Variants in CYFIP2 observed in about 807,000 individuals in gnomAD.
CYFIP2 encodes the protein cytoplasmic FMR1 interacting protein 2.
CYFIP2 carries 29 observed loss-of-function variants against 158.7 expected under a neutral mutation model. The ratio of observed to expected loss-of-function variants is 0.18; its 90% CI spans 0.14 to 0.25. The LOEUF is 0.25. Among genes scored for constraint, CYFIP2 ranks in the 10% least tolerant of loss-of-function variants. The pLI is 1.00. For synonymous variants in CYFIP2, 585 were observed against 617.6 expected (o/e 0.95, Z 0.78); for missense variants, 852 against 1,639.5 (o/e 0.52, Z 8.29).
intron 1 of CYFIP2, among the ~76,000 whole-genome samples, chr5:157,275,144 T>C (rs1023329352): frequency 2.6e-5 from 4 of 152,202 alleles, no homozygotes; most frequent in Non-Finnish European, 4.4e-5. Flanking sequence ...TTCTGTGGAC[T>C]TACTTTCTTG....
At chr5:157,281,196 A>C (rs1415385420) in intron 1 of CYFIP2, among the ~76,000 whole-genome samples, 1 of 152,158 alleles carries the variant, frequency 6.6e-6, no homozygotes, top group Non-Finnish European at 1.5e-5. Flanking sequence ...AGGCTTAATT[A>C]GATTCAGGTG....
intron 11 of CYFIP2, among the ~76,000 whole-genome samples, chr5:157,313,095 A>G (rs918134306): frequency 1.3e-5 from 2 of 152,222 alleles, no homozygotes; most frequent in South Asian, 2.1e-4. Flanking sequence ...TATGCTCTAT[A>G]CATGTTGAGT....
chr5:157,373,906 A>G (rs938521972), intron 26 of CYFIP2, among the ~76,000 whole-genome samples: 1 of 152,202 alleles, frequency 6.6e-6, no homozygotes, highest in Non-Finnish European at 1.5e-5. Context: ...GCTAGCCAAT[A>G]AAAAGAAAAG....
Position 157,383,377 on chromosome 5 carries a change from T to C in CYFIP2, c.3207+18T>C, listed in dbSNP as rs1239168220. The C allele has an allele frequency of 1.9e-6, 3 of 1,606,308 alleles. No individual in the cohort carries two copies. Among genetic ancestry groups the C allele is most frequent in the Non-Finnish European group, 2.6e-6 (3 of 1,173,912 alleles). ...CCCCTCAGGTACCAATCTTATATAA[T>C]AAATGGGCTCTGATCACTGACAGGA... is the stretch of plus-strand genomic sequence containing the variant. On this transcript the variant is annotated intron_variant, in intron 28 of 30. Coordinates refer to ENST00000620254, the MANE Select transcript of CYFIP2 (RefSeq NM_001037333.3).
At chr5:157,351,826 A>G (rs1212807414) in intron 23 of CYFIP2, among the ~76,000 whole-genome samples, 1 of 152,204 alleles carries the variant, frequency 6.6e-6, no homozygotes, top group African/African-American at 2.4e-5. Context: ...AGAATGCTGG[A>G]GCAGGTGAAG....
At chr5:157,382,224 GAC>G (rs1449824322) in intron 26 of CYFIP2, among the ~76,000 whole-genome samples, 3 of 152,246 alleles carry the variant, frequency 2.0e-5, no homozygotes, top group Admixed American at 2.0e-4. Context: ...CAACCAAAAA[GAC>G]ACAGACTGAG....
chr5:157,337,532 A>G (rs1248551798), intron 21 of CYFIP2, among the ~76,000 whole-genome samples: 1 of 152,206 alleles, frequency 6.6e-6, no homozygotes, highest in Non-Finnish European at 1.5e-5. Context: ...CAAGCCTTCA[A>G]CCATTTCTGC....
intron 23 of CYFIP2, among the ~76,000 whole-genome samples, chr5:157,352,163 A>T (rs1763116640): frequency 1.3e-5 from 2 of 152,244 alleles, no homozygotes; most frequent in African/African-American, 4.8e-5. Context: ...TCATTCAATT[A>T]TTCCAATAAC....
At chr5:157,354,329 C>T (rs1018359131) in intron 23 of CYFIP2, among the ~76,000 whole-genome samples, 2 of 152,088 alleles carry the variant, frequency 1.3e-5, no homozygotes, top group African/African-American at 4.8e-5. Flanking sequence ...TGATTGGAAC[C>T]TATCAGTTAG....
chr5:157,275,748 GCCGTGTTAACAATA>G (rs2113817212), intron 1 of CYFIP2, among the ~76,000 whole-genome samples: 1 of 152,312 alleles, frequency 6.6e-6, no homozygotes, highest in Admixed American at 6.5e-5. Context: ...GGGCAGTATT[GCCGTGTTAACAATA>G]TTAAGCCTTC....
intron 16 of CYFIP2, 76 bp downstream of exon 16, chr5:157,324,150 C>T: frequency 6.7e-7 from 1 of 1,491,938 alleles, no homozygotes. Context: ...ACCACCAAGC[C>T]AGGCATTGCA....
intron 28 of CYFIP2, among the ~76,000 whole-genome samples, chr5:157,386,546 A>G (rs1429326036): frequency 6.6e-6 from 1 of 152,182 alleles, no homozygotes; most frequent in Admixed American, 6.5e-5. Flanking sequence ...GCCTTTTACA[A>G]TATTTATACT....
chr5:157,270,054 G>C (rs570109425), intron 1 of CYFIP2, among the ~76,000 whole-genome samples: 1 of 152,206 alleles, frequency 6.6e-6, no homozygotes, highest in Non-Finnish European at 1.5e-5. Context: ...TTTCTTGCAG[G>C]GATCATTCTG....
At chr5:157,375,637 ATTTTTTTTTTTTTTAGCTCAT>A (rs1765392713) in intron 26 of CYFIP2, 4 of 144,586 alleles carry the variant, frequency 2.8e-5, no homozygotes, top group Non-Finnish European at 6.0e-5. Flanking sequence ...TTTTTTTGCG[ATTTTTTTTTTTTTTAGCTCAT>A]CAGCTGTTGT....
At chr5:157,332,227 C>T (rs1305134450) in intron 20 of CYFIP2, among the ~76,000 whole-genome samples, 1 of 152,216 alleles carries the variant, frequency 6.6e-6, no homozygotes, top group Non-Finnish European at 1.5e-5. Context: ...GTGTTTCAAG[C>T]CTACAGGGAA....
intron 26 of CYFIP2, among the ~76,000 whole-genome samples, chr5:157,372,757 G>A (rs1268337791): frequency 1.3e-5 from 2 of 152,182 alleles, no homozygotes; most frequent in Non-Finnish European, 2.9e-5. Context: ...ATCCAAGAAA[G>A]ACAAATGAAG....
chr5:157,374,489 A>G (rs2113461795), intron 26 of CYFIP2, among the ~76,000 whole-genome samples: 1 of 152,156 alleles, frequency 6.6e-6, no homozygotes, highest in Non-Finnish European at 1.5e-5. Context: ...CCCCCAAAAT[A>G]AGCACAAACC....
At chr5:157,304,764 C>CT (rs768501372) in intron 8 of CYFIP2, 21 of 157,762 alleles carry the variant, frequency 1.3e-4, no homozygotes, top group African/African-American at 3.1e-4. Context: ...CAGAATAAAT[C>CT]TTTTTTTTTA....
At chr5:157,317,899 T>G (rs1183025449) in intron 13 of CYFIP2, among the ~76,000 whole-genome samples, 1 of 152,160 alleles carries the variant, frequency 6.6e-6, no homozygotes, top group Non-Finnish European at 1.5e-5. Context: ...CTCTCTTCTT[T>G]CCAATCTGCA....
Sources: allele counts gnomAD v4.1 joint callset (sites outside exome capture counted in the v4.1 genomes callset), GRCh38; gene constraint gnomAD v4.1.1; transcripts MANE v1.5; gene names NCBI Gene and HGNC (gene_info 2026-07-23, HGNC 2026-07-21).